The following C8B variants were observed in gnomAD, a reference collection of about 807,000 sequenced individuals.
C8B encodes complement C8 beta chain.
C8B carries 67 observed loss-of-function variants against 64.6 expected under a neutral mutation model. The observed-to-expected ratio is 1.04, with a 90% confidence interval of 0.85 to 1.27. The LOEUF is 1.27. Ranked by LOEUF, C8B falls within the 50% of genes most tolerant of loss-of-function variation. The pLI is 0.00. For missense variants in C8B, 790 were observed against 725.2 expected (o/e 1.09, Z -1.03); for synonymous variants, 284 against 257.7 (o/e 1.10, Z -0.98).
chr1:56,953,495 T>C (rs1205396171), intron 4 of C8B, among the ~76,000 whole-genome samples: 1 of 152,128 alleles, frequency 6.6e-6, no homozygotes, highest in Non-Finnish European at 1.5e-5. Context: ...AACATGAGGG[T>C]AACTGACTAA....
chr1:56,945,229 C>A (rs72670362), intron 7 of C8B, among the ~76,000 whole-genome samples: 33,562 of 151,980 alleles, frequency 0.22, 4,007 homozygotes, highest in Non-Finnish European at 0.26. Flanking sequence ...ATGGGGTGAG[C>A]CTATGGTGGT....
intron 8 of C8B, among the ~76,000 whole-genome samples, chr1:56,941,302 G>C (rs1644850904): frequency 6.6e-6 from 1 of 152,110 alleles, no homozygotes; most frequent in South Asian, 2.1e-4. Flanking sequence ...ATGATAGCTA[G>C]ATTAGATAGA....
At chr1:56,963,492 A>G (rs1388786611) in intron 1 of C8B, among the ~76,000 whole-genome samples, 1 of 151,828 alleles carries the variant, frequency 6.6e-6, no homozygotes, top group Non-Finnish European at 1.5e-5. Context: ...CATGAAATTT[A>G]AAGCAACATC....
intron 1 of C8B, among the ~76,000 whole-genome samples, chr1:56,962,789 C>T (rs754759120): frequency 6.6e-6 from 1 of 152,184 alleles, no homozygotes; most frequent in Non-Finnish European, 1.5e-5. Flanking sequence ...GGTGTGTTTC[C>T]TTCCAGTCTC....
chr1:56,964,359 C>A (rs923121910), intron 1 of C8B, among the ~76,000 whole-genome samples: 1 of 152,094 alleles, frequency 6.6e-6, no homozygotes, highest in Non-Finnish European at 1.5e-5. Context: ...CTCCAGCATC[C>A]CCCAACTCTG....
chr1:56,957,991 G>A (rs1645126573), intron 2 of C8B, among the ~76,000 whole-genome samples: 1 of 152,192 alleles, frequency 6.6e-6, no homozygotes, highest in African/African-American at 2.4e-5. Flanking sequence ...AGTGATATGG[G>A]TGGAGGAAAT....
In C8B at chr1:56,959,902, T is replaced by C. The variant is rs1004458014; in HGVS notation, c.249+118A>G. The C allele has an allele frequency of 2.5e-5, 28 of 1,114,740 alleles. 1 individual carries two copies. Among genetic ancestry groups the C allele is most frequent in the Admixed American group, 9.3e-5 (5 of 53,554 alleles). 69.1% of individuals were successfully genotyped at this position (1,114,740 alleles called of 1,614,324 possible). ...GAAGGAAAGGATGCATTTATTAAGT[T>C]AGCCGACATTTATTGAGGGCCAACT... On this transcript the variant is annotated intron_variant, in intron 2 of 11. Transcript: ENST00000371237.
At position 56,965,882 on chromosome 1, in the gene C8B, C is replaced by T; in HGVS notation, c.67G>A (p.Gly23Ser). The change falls in exon 1 of 12, where the codon GGC (glycine) becomes AGC (serine). Residue 23 changes from glycine to serine, a missense_variant. Transcript: ENST00000371237. ...VELFLLCAALGCLSLPGSRGE... is the reference protein window; with the variant it reads ...VELFLLCAALSCLSLPGSRGE... Reference sequence around the variant, plus strand: ...CTGGAGCCAGGCAAACTGAGACAGCCCAGGGCAGCACAGAGAAGAAATAGC... The same window carrying T: ...CTGGAGCCAGGCAAACTGAGACAGCTCAGGGCAGCACAGAGAAGAAATAGC... 2 of 1,614,050 alleles carry T rather than the reference C, an allele frequency of 1.2e-6. No individual in the cohort carries two copies. Among genetic ancestry groups the T allele is most frequent in the Non-Finnish European group, 1.7e-6 (2 of 1,180,022 alleles).
chr1:56,962,195 CTT>C (rs1206145110), intron 1 of C8B, among the ~76,000 whole-genome samples: 4 of 152,206 alleles, frequency 2.6e-5, no homozygotes, highest in Admixed American at 1.3e-4. Context: ...AAGATGATCA[CTT>C]ACGGAAAGAA....
intron 1 of C8B, among the ~76,000 whole-genome samples, chr1:56,963,021 A>G (rs529983385): frequency 1.0e-3 from 152 of 152,294 alleles, no homozygotes; most frequent in South Asian, 4.4e-3. Context: ...TTTGAGGGAC[A>G]TTTATATTTT....
chr1:56,931,758 C>G, intron 11 of C8B, 52 bp downstream of exon 11: 1 of 1,270,288 alleles, frequency 7.9e-7, no homozygotes, highest in Non-Finnish European at 1.1e-6. Context: ...TGCTCTTCTT[C>G]TGGTGAATTA....
chr1:56,933,450 A>T lies in C8B; in HGVS notation c.1437T>A (p.Phe479Leu), dbSNP rs554618167. 1.9e-4 allele frequency: 301 copies of T among 1,613,948 alleles called. 6 individuals carry two copies. The South Asian group carries it at 3.1e-3, about 16-fold the overall frequency. Reference sequence around the variant, plus strand: ...TCTGCCTCACTGTGCTGGAATAGGCAAAATCTGTGGCTGTCACTAGTTCAT... The same window carrying T: ...TCTGCCTCACTGTGCTGGAATAGGCTAAATCTGTGGCTGTCACTAGTTCAT... ...PLYELVTATD[F>L]AYSSTVRQNM... The change falls in exon 10 of 12, where the codon TTT becomes TTA. Residue 479 changes from phenylalanine (F) to leucine (L), a missense_variant. By Grantham distance (22) the Phe-to-Leu change is conservative. Transcript: ENST00000371237.
At chr1:56,936,179 T>A (rs1325212334) in intron 9 of C8B, among the ~76,000 whole-genome samples, 1 of 152,250 alleles carries the variant, frequency 6.6e-6, no homozygotes, top group Non-Finnish European at 1.5e-5. Flanking sequence ...GCATTGGGTG[T>A]TGTTGGATGA....
At position 56,929,226 on chromosome 1, in the gene C8B, GTATT is replaced by G. The variant is rs1265195172; in HGVS notation, c.*174_*177del. 6 of 672,806 alleles carry G rather than the reference GTATT, an allele frequency of 8.9e-6. No homozygotes were observed. The highest frequency in any genetic ancestry group is 1.6e-5 in the Non-Finnish European group (6 of 376,090). The allele number at this position is 672,806 out of a possible 1,614,324, so 41.7% of individuals were successfully genotyped here. Reference sequence around the variant, plus strand: ...CAAAGATGCTTAAGCCTTTAACTCAGTATTTATTTAAATCAACTTGCATTTTACA... The same window carrying G: ...CAAAGATGCTTAAGCCTTTAACTCAGTATTTAAATCAACTTGCATTTTACA... On this transcript the variant is annotated 3_prime_UTR_variant, in exon 12 of 12. Transcript: ENST00000371237.
chr1:56,933,358 C>T lies in C8B; in HGVS notation c.1529G>A (p.Gly510Glu), dbSNP rs766363026. Residue 510 changes from glycine to glutamate, a missense_variant, in exon 10 of 12, where the codon GGA becomes GAA. Transcript: ENST00000371237. ...ACCTTTCAGGACAGGGACTCCATTT[C>T]CTTGGCAGGGAGCACAGTGGCAGGA... is the stretch of plus-strand genomic sequence containing the variant. ...VSSCHCAPCQGNGVPVLKGSR... is the reference protein window; with the variant it reads ...VSSCHCAPCQENGVPVLKGSR... 3 of 1,613,950 alleles carry T rather than the reference C, an allele frequency of 1.9e-6. No homozygotes were observed. Among genetic ancestry groups the T allele is most frequent in the Non-Finnish European group, 2.5e-6 (3 of 1,179,858 alleles).
intron 9 of C8B, 53 bp from the exon 10 acceptor site, chr1:56,933,541 A>G: frequency 4.6e-6 from 7 of 1,508,256 alleles, no homozygotes; most frequent in South Asian, 1.1e-5. Flanking sequence ...ATCAAGTAGA[A>G]GTGTAAAACA....
intron 1 of C8B, among the ~76,000 whole-genome samples, chr1:56,961,986 G>C (rs1645186501): frequency 6.6e-6 from 1 of 152,106 alleles, no homozygotes; most frequent in African/African-American, 2.4e-5. Context: ...TCTGTGATTT[G>C]GCTTCTCCTA....
intron 9 of C8B, 124 bp downstream of exon 9, chr1:56,940,725 A>G: frequency 1.0e-6 from 1 of 996,288 alleles, no homozygotes; most frequent in Non-Finnish European, 1.6e-6. Flanking sequence ...CTACTATCGT[A>G]TATGTGTCCC....
At chr1:56,954,850 C>A (rs771460638) in intron 3 of C8B, 23 bp from the exon 4 acceptor site, 11 of 1,613,894 alleles carry the variant, frequency 6.8e-6, no homozygotes, top group African/African-American at 1.3e-5. Flanking sequence ...AAGAGTATTA[C>A]CCACAGCCAC....
Sources: allele counts gnomAD v4.1 joint callset (sites outside exome capture counted in the v4.1 genomes callset), GRCh38; gene constraint gnomAD v4.1.1; transcripts MANE v1.5; gene names NCBI Gene and HGNC (gene_info 2026-07-23, HGNC 2026-07-21).